SYN3: variants seen among roughly 807,000 people sequenced by gnomAD.
The protein encoded by SYN3 is synapsin-3.
Under a neutral mutation model 65.8 loss-of-function variants are expected in SYN3, and 35 were observed. The ratio of observed to expected loss-of-function variants is 0.53; its 90% CI spans 0.41 to 0.70. The LOEUF is 0.70. Ranked by LOEUF, SYN3 falls within the 30% of genes least tolerant of loss-of-function variation. SYN3 has a pLI of 0.00. For synonymous variants in SYN3, 270 were observed against 292.9 expected (o/e 0.92, Z 0.80); for missense variants, 680 against 749.0 (o/e 0.91, Z 1.08).
intron 6 of SYN3, among the ~76,000 whole-genome samples, chr22:32,809,808 G>A (rs907161435): frequency 6.6e-6 from 1 of 152,190 alleles, no homozygotes; most frequent in African/African-American, 2.4e-5. Context: ...TTGGCTTACT[G>A]ATATGCCTAA....
chr22:32,790,337 A>G (rs572965209), intron 6 of SYN3, among the ~76,000 whole-genome samples: 1 of 152,226 alleles, frequency 6.6e-6, no homozygotes, highest in East Asian at 1.9e-4. Context: ...ATAAACAATT[A>G]AGGAGTGAGG....
chr22:32,616,522 T>C (rs758866342), intron 6 of SYN3, among the ~76,000 whole-genome samples: 1 of 152,136 alleles, frequency 6.6e-6, no homozygotes, highest in African/African-American at 2.4e-5. Flanking sequence ...AGGCCTGTCA[T>C]AGTGCTGAGT....
chr22:33,008,751 T>C (rs566740290), intron 1 of SYN3, among the ~76,000 whole-genome samples: 1 of 151,702 alleles, frequency 6.6e-6, no homozygotes, highest in Non-Finnish European at 1.5e-5. Context: ...CTCTCTCTAC[T>C]AAAAGTAAAA....
chr22:32,928,056 C>T (rs1433659065), intron 4 of SYN3, among the ~76,000 whole-genome samples: 4 of 152,142 alleles, frequency 2.6e-5, no homozygotes, highest in Non-Finnish European at 4.4e-5. Flanking sequence ...ATTGGCCGGG[C>T]GCAGTGGCTC....
At chr22:32,831,713 C>T (rs2047579484) in intron 6 of SYN3, among the ~76,000 whole-genome samples, 1 of 152,186 alleles carries the variant, frequency 6.6e-6, no homozygotes, top group Admixed American at 6.5e-5. Flanking sequence ...GATCCACCTG[C>T]CCCTCCCTTC....
At position 32,809,074 on chromosome 22, in the gene SYN3, C is replaced by A. The variant is rs139178393; in HGVS notation, c.711+55841G>T. ...ATCACAAACATAATACTGTAATTTTCATAGTAAGTTTGGTGCCCTTACTAT... is the reference window on the plus strand; with the variant it reads ...ATCACAAACATAATACTGTAATTTTAATAGTAAGTTTGGTGCCCTTACTAT... On this transcript the variant is annotated intron_variant, in intron 6 of 13. Coordinates refer to ENST00000358763, the MANE Select transcript of SYN3 (RefSeq NM_003490.4). 5.8e-3 allele frequency among the ~76,000 whole-genome samples: 891 copies of A among 152,324 alleles called. 13 individuals are homozygous for A. Among genetic ancestry groups the A allele is most frequent in the African/African-American group, 0.02 (852 of 41,566 alleles).
chr22:32,958,742 G>C (rs2051547458), intron 3 of SYN3, among the ~76,000 whole-genome samples: 1 of 152,160 alleles, frequency 6.6e-6, no homozygotes, highest in African/African-American at 2.4e-5. Flanking sequence ...AGATTAGTAT[G>C]TTTTATGAGA....
Position 32,868,878 on chromosome 22 carries a change from C to A in SYN3, c.621+88G>T. The A allele has an allele frequency of 2.3e-6, 3 of 1,319,408 alleles. No homozygotes were observed. The South Asian group carries it at 4.6e-5, about 20-fold the overall frequency. The allele number at this position is 1,319,408 out of a possible 1,614,324, so 81.7% of individuals were successfully genotyped here. ...AAATAAGAATTTTTACTACTGAGGC[C>A]TCCATGCTGGGGAGTGGGCTTGTCG... On this transcript the variant is annotated intron_variant, in intron 5 of 13. Coordinates refer to ENST00000358763, the MANE Select transcript of SYN3 (RefSeq NM_003490.4).
chr22:32,869,698 T>G (rs1227579033), intron 4 of SYN3, among the ~76,000 whole-genome samples: 1 of 137,184 alleles, frequency 7.3e-6, no homozygotes, highest in Non-Finnish European at 1.5e-5. Context: ...TGGTTTTTTT[T>G]TTTTTTTTTT....
At chr22:32,879,251 C>T (rs1347435160) in intron 4 of SYN3, among the ~76,000 whole-genome samples, 1 of 152,176 alleles carries the variant, frequency 6.6e-6, no homozygotes, top group Non-Finnish European at 1.5e-5. Flanking sequence ...AAGACACGGA[C>T]TGATTAATTA....
chr22:32,749,661 A>C (rs946865992), intron 6 of SYN3, among the ~76,000 whole-genome samples: 2 of 152,022 alleles, frequency 1.3e-5, no homozygotes, highest in African/African-American at 4.8e-5. Flanking sequence ...ACAACAACAA[A>C]AATTCAACAT....
At chr22:32,819,815 T>C (rs2047185684) in intron 6 of SYN3, among the ~76,000 whole-genome samples, 1 of 152,228 alleles carries the variant, frequency 6.6e-6, no homozygotes, top group Non-Finnish European at 1.5e-5. Flanking sequence ...GCTATCTTGC[T>C]ATCTGTCCAT....
At chr22:32,914,992 G>A (rs1422742855) in intron 4 of SYN3, among the ~76,000 whole-genome samples, 1 of 152,126 alleles carries the variant, frequency 6.6e-6, no homozygotes, top group Admixed American at 6.6e-5. Flanking sequence ...TGCCTTCAGG[G>A]ACCGGACAGT....
intron 4 of SYN3, among the ~76,000 whole-genome samples, chr22:32,919,347 T>C (rs917880232): frequency 6.6e-6 from 1 of 152,228 alleles, no homozygotes; most frequent in African/African-American, 2.4e-5. Context: ...TTAGCCCACA[T>C]ATCTGCTTAC....
At chr22:32,596,763 T>A in intron 6 of SYN3, 27 bp from the exon 7 acceptor site, 6 of 1,612,568 alleles carry the variant, frequency 3.7e-6, no homozygotes, top group Non-Finnish European at 5.1e-6. Flanking sequence ...GAAGTCACTC[T>A]TAACATCTCA....
intron 4 of SYN3, among the ~76,000 whole-genome samples, chr22:32,926,010 C>A (rs1023404558): frequency 3.3e-5 from 5 of 151,990 alleles, no homozygotes; most frequent in Non-Finnish European, 7.4e-5. Flanking sequence ...CACCACCACA[C>A]CTGGATAATT....
At chr22:32,804,599 G>A (rs1325286575) in intron 6 of SYN3, among the ~76,000 whole-genome samples, 1 of 152,196 alleles carries the variant, frequency 6.6e-6, no homozygotes, top group Non-Finnish European at 1.5e-5. Context: ...CTCTCCGGGG[G>A]GCTGCCCGAT....
intron 1 of SYN3, among the ~76,000 whole-genome samples, chr22:33,010,425 T>C (rs1384994659): frequency 6.6e-6 from 1 of 152,210 alleles, no homozygotes; most frequent in East Asian, 1.9e-4. Context: ...GCACCATTTA[T>C]GAAAGTATTT....
At chr22:32,941,790 CAGG>C (rs1432594414) in intron 3 of SYN3, among the ~76,000 whole-genome samples, 3 of 152,242 alleles carry the variant, frequency 2.0e-5, no homozygotes, top group African/African-American at 7.2e-5. Flanking sequence ...AACAGTACAC[CAGG>C]AGATTATATC....
Sources: allele counts gnomAD v4.1 joint callset (sites outside exome capture counted in the v4.1 genomes callset), GRCh38; gene constraint gnomAD v4.1.1; transcripts MANE v1.5; gene names NCBI Gene and HGNC (gene_info 2026-07-23, HGNC 2026-07-21).